EIF4H: variants seen among roughly 807,000 people sequenced by gnomAD.
EIF4H encodes eukaryotic translation initiation factor 4H.
In EIF4H, 8 loss-of-function variants were observed where a neutral mutation model predicts 30.6. The observed-to-expected ratio is 0.26, with a 90% CI of 0.15 to 0.47. The LOEUF (loss-of-function observed/expected upper bound fraction) is 0.47. Among genes scored for constraint, EIF4H ranks in the 20% least tolerant of loss-of-function variants. The pLI is 0.99. For missense variants in EIF4H, 188 were observed against 339.5 expected, an observed-to-expected ratio of 0.55 and a Z score of 3.51; for synonymous variants, 106 against 122.7, an observed-to-expected ratio of 0.86 and a Z score of 0.90.
chr7:74,179,522 C>T (rs1310814450), intron 1 of EIF4H, among the ~76,000 whole-genome samples: 1 of 151,028 alleles, frequency 6.6e-6, no homozygotes, highest in African/African-American at 2.4e-5. Context: ...GTCCCAGCTA[C>T]TTGGGAGGCT....
intron 1 of EIF4H, among the ~76,000 whole-genome samples, chr7:74,186,836 TTTTTG>T (rs1801094171): frequency 9.7e-6 from 1 of 102,794 alleles, no homozygotes; most frequent in Admixed American, 1.2e-4. Flanking sequence ...TTTTTTTTTT[TTTTTG>T]AGACGGAGTC....
rs138158412 is a variant in EIF4H at position 74,195,215 on chromosome 7, C to G, written c.654C>G (p.Val218=). The change falls in exon 7 of 7, where the codon GTC becomes GTG. Residue 218 remains valine (V), a synonymous_variant. Transcript: ENST00000265753. ...GACTCCAGCTTAAACCTCGAACAGTCGCGACGCCCCTCAATCAAGTAGCCA... is the reference window on the plus strand; with the variant it reads ...GACTCCAGCTTAAACCTCGAACAGTGGCGACGCCCCTCAATCAAGTAGCCA... ...RPRLQLKPRT[V]ATPLNQVANP... is the part of the protein sequence containing the mutation. The G allele has an allele frequency of 5.6e-6, 9 of 1,613,822 alleles. No homozygotes were observed. The South Asian group carries it at 8.8e-5, about 16-fold the overall frequency.
At chr7:74,186,456 A>G (rs782514259) in intron 1 of EIF4H, among the ~76,000 whole-genome samples, 3 of 151,988 alleles carry the variant, frequency 2.0e-5, no homozygotes, top group Non-Finnish European at 4.4e-5. Context: ...CAAGTGATCC[A>G]CCCACCTCGG....
intron 1 of EIF4H, among the ~76,000 whole-genome samples, chr7:74,182,836 C>G (rs1379958069): frequency 6.6e-6 from 1 of 152,182 alleles, no homozygotes; most frequent in Non-Finnish European, 1.5e-5. Context: ...TCTTTTCTGG[C>G]TCACCCTAAG....
intron 1 of EIF4H, among the ~76,000 whole-genome samples, chr7:74,181,696 G>A (rs1450711990): frequency 1.3e-5 from 2 of 151,894 alleles, no homozygotes; most frequent in African/African-American, 2.4e-5. Context: ...TGCCTGCCTC[G>A]GCCTCCCAAA....
intron 1 of EIF4H, among the ~76,000 whole-genome samples, chr7:74,178,560 A>C (rs1800890727): frequency 6.6e-6 from 1 of 151,858 alleles, no homozygotes; most frequent in South Asian, 2.1e-4. Flanking sequence ...AAAAAAAAAG[A>C]AAAATTAAGC....
chr7:74,177,384 G>T (rs74792640), intron 1 of EIF4H, among the ~76,000 whole-genome samples: 3,840 of 152,164 alleles, frequency 0.025, 173 homozygotes, highest in African/African-American at 0.087. Flanking sequence ...CCATTTTTCA[G>T]TATACATTTC....
intron 5 of EIF4H, among the ~76,000 whole-genome samples, chr7:74,191,789 G>GT (rs1173013975): frequency 8.6e-5 from 13 of 151,200 alleles, no homozygotes; most frequent in African/African-American, 2.2e-4. Flanking sequence ...TTTTGTTGTT[G>GT]TTTTTTTTGA....
chr7:74,180,294 G>C (rs1023566648), intron 1 of EIF4H, among the ~76,000 whole-genome samples: 4 of 152,200 alleles, frequency 2.6e-5, no homozygotes, highest in African/African-American at 9.6e-5. Context: ...ACCATAGTTT[G>C]TTCTATAGAA....
In EIF4H at chr7:74,189,689, A is replaced by G; in HGVS notation, c.264A>G (p.Glu88=). The G allele has an allele frequency of 1.2e-6, 2 of 1,614,074 alleles. No individual in the cohort carries two copies. Among genetic ancestry groups the G allele is most frequent in the Non-Finnish European group, 1.7e-6 (2 of 1,180,018 alleles). ...CTTTTCCAGGATTCTGCTATGTAGA[A>G]TTCGATGAAGTGGATTCCCTTAAGG... is the stretch of plus-strand genomic sequence containing the variant. ...TDKFKGFCYV[E]FDEVDSLKEA... Residue 88 remains glutamate, a synonymous_variant, in exon 3 of 7, where the codon GAA becomes GAG. Coordinates refer to ENST00000265753, the MANE Select transcript of EIF4H (RefSeq NM_022170.2).
intron 3 of EIF4H, 40 bp from the exon 4 acceptor site, chr7:74,189,782 T>C (rs782400856): frequency 2.0e-5 from 32 of 1,613,984 alleles, no homozygotes; most frequent in Non-Finnish European, 2.7e-5. Context: ...TGAGATTGTT[T>C]TCTTTGCCAA....
chr7:74,189,764 A>G (rs1241955200), intron 3 of EIF4H, 27 bp downstream of exon 3: 3 of 1,614,204 alleles, frequency 1.9e-6, no homozygotes, highest in African/African-American at 2.7e-5. Context: ...TTTCTCTGTC[A>G]TAGCAGTTGA....
Position 74,196,189 on chromosome 7 carries a change from G to A in EIF4H, c.*881G>A, listed in dbSNP as rs568584758. 6.5e-6 allele frequency: 1 copy of A among 153,066 alleles called. No homozygotes were observed. Among genetic ancestry groups the A allele is most frequent in the East Asian group, 1.9e-4 (1 of 5,188 alleles). 9.5% of individuals were successfully genotyped at this position (153,066 alleles called of 1,614,324 possible). A position where few individuals can be genotyped will look rare whatever the true frequency, so the allele number is the denominator to read the frequency against. On this transcript the variant is annotated 3_prime_UTR_variant, in exon 7 of 7. Transcript: ENST00000265753. ...TGGGCCAAGGCGCTTTGGGGGTGGAGGGGGTGGTGCTGGTGCTGCACTGGG... is the reference window on the plus strand; with the variant it reads ...TGGGCCAAGGCGCTTTGGGGGTGGAAGGGGTGGTGCTGGTGCTGCACTGGG...
chr7:74,183,873 T>C (rs1308630013), intron 1 of EIF4H: 2 of 152,384 alleles, frequency 1.3e-5, no homozygotes, highest in African/African-American at 2.4e-5. Context: ...TCTACCTCCA[T>C]GGCCCAGCCC....
At chr7:74,182,080 AAC>A (rs1175653168) in intron 1 of EIF4H, among the ~76,000 whole-genome samples, 1 of 152,084 alleles carries the variant, frequency 6.6e-6, no homozygotes, top group African/African-American at 2.4e-5. Flanking sequence ...TTCTTTAACC[AAC>A]AGTTTTTCCA....
intron 5 of EIF4H, among the ~76,000 whole-genome samples, chr7:74,194,490 T>G (rs1235779433): frequency 6.6e-6 from 1 of 152,212 alleles, no homozygotes; most frequent in Non-Finnish European, 1.5e-5. Context: ...AAGCTGAGCA[T>G]GTAAACAGCT....
At position 74,182,827 on chromosome 7, in the gene EIF4H, C is replaced by A. The variant is rs770363639; in HGVS notation, c.60-4784C>A. On this transcript the variant is annotated intron_variant, in intron 1 of 6. Transcript: ENST00000265753. Reference sequence around the variant, plus strand: ...TCAGTCTCCTTTGACACCTACAGATCTTTTCTGGCTCACCCTAAGGGTTCA... The same window carrying A: ...TCAGTCTCCTTTGACACCTACAGATATTTTCTGGCTCACCCTAAGGGTTCA... 7.2e-5 allele frequency among the ~76,000 whole-genome samples: 11 copies of A among 152,204 alleles called. 1 individual carries two copies. Among genetic ancestry groups the A allele is most frequent in the Admixed American group, 2.6e-4 (4 of 15,284 alleles).
At chr7:74,182,694 A>G (rs1554708587) in intron 1 of EIF4H, among the ~76,000 whole-genome samples, 1 of 152,232 alleles carries the variant, frequency 6.6e-6, no homozygotes, top group South Asian at 2.1e-4. Context: ...CCACATGCCC[A>G]TGCCCAGCCT....
rs782291506 is a variant in EIF4H at position 74,174,472 on chromosome 7, G to T, written c.59+30G>T. 4.3e-6 allele frequency: 6 copies of T among 1,391,976 alleles called. No individual in the cohort carries two copies. The African/African-American group carries it at 8.9e-5, about 21-fold the overall frequency. 86.2% of individuals were successfully genotyped at this position (1,391,976 alleles called of 1,614,324 possible). ...GGCGGGCGTGCGCGGGCCCCGTCGG[G>T]GGCTGCGGGACCGGCGGAGTCGGGG... On this transcript the variant is annotated intron_variant, in intron 1 of 6. Transcript: ENST00000265753.
Sources: gnomAD v4.1 joint callset for allele counts (sites outside exome capture counted in the v4.1 genomes callset) on GRCh38, gnomAD v4.1.1 for gene constraint, MANE v1.5 for transcripts, NCBI Gene and HGNC (gene_info 2026-07-23, HGNC 2026-07-21) for gene names.